The following SUMF1 variants were observed in gnomAD, a reference collection of about 807,000 sequenced individuals.
SUMF1 encodes formylglycine-generating enzyme.
Under a neutral mutation model 47.6 loss-of-function variants are expected in SUMF1, and 48 were observed. That is an observed-to-expected ratio of 1.01 (90% CI 0.80 to 1.28). SUMF1 has a LOEUF of 1.28. SUMF1 is among the 50% of genes most tolerant of loss of function. The pLI is 0.00. For synonymous variants in SUMF1, 230 were observed against 192.1 expected, an observed-to-expected ratio of 1.20 and a Z score of -1.63; for missense variants, 571 against 485.4, an observed-to-expected ratio of 1.18 and a Z score of -1.66.
intron 8 of SUMF1, among the ~76,000 whole-genome samples, chr3:4,215,948 G>T (rs1260973624): frequency 6.6e-6 from 1 of 152,092 alleles, no homozygotes; most frequent in Non-Finnish European, 1.5e-5. Flanking sequence ...TCAATACTGT[G>T]ACAATGGTCA....
intron 8 of SUMF1, among the ~76,000 whole-genome samples, chr3:4,129,448 C>G (rs2125085330): frequency 6.6e-6 from 1 of 152,182 alleles, no homozygotes; most frequent in Non-Finnish European, 1.5e-5. Context: ...CAGAAAACTT[C>G]TAGATCAAAT....
At chr3:4,234,248 T>C (rs775352564) in intron 8 of SUMF1, among the ~76,000 whole-genome samples, 9 of 151,646 alleles carry the variant, frequency 5.9e-5, no homozygotes, top group Non-Finnish European at 1.3e-4. Context: ...ATAATTTTTA[T>C]AATTAAATAT....
rs1559307292 is a variant in SUMF1 at position 4,449,282 on chromosome 3, G to T, written c.503C>A (p.Thr168Asn). 1.9e-6 allele frequency: 3 copies of T among 1,614,120 alleles called. No individual in the cohort carries two copies. The highest frequency in any genetic ancestry group is 2.2e-5 in the East Asian group (1 of 44,886). ...ATTACTTACTGCCTGTTGAATATTGGTCTTCACTTGCTCACTCAACATGCC... is the reference window on the plus strand; with the variant it reads ...ATTACTTACTGCCTGTTGAATATTGTTCTTCACTTGCTCACTCAACATGCC... ...FEGMLSEQVKTNIQQAVAAAP... is the reference protein window; with the variant it reads ...FEGMLSEQVKNNIQQAVAAAP... Residue 168 changes from threonine to asparagine, a missense_variant, in exon 3 of 9, where the codon ACC (threonine) becomes AAC (asparagine). Physicochemically the swap from Thr to Asn is moderately conservative, Grantham distance 65. Transcript: ENST00000272902.
intron 8 of SUMF1, among the ~76,000 whole-genome samples, chr3:4,140,689 T>A (rs1326983128): frequency 1.3e-5 from 2 of 152,074 alleles, no homozygotes; most frequent in Non-Finnish European, 2.9e-5. Context: ...CTACTTTATG[T>A]AGTATATTTC....
intron 9 of SUMF1, among the ~76,000 whole-genome samples, chr3:4,053,423 G>C (rs370576109): frequency 6.6e-6 from 1 of 152,110 alleles, no homozygotes; most frequent in South Asian, 2.1e-4. Context: ...CAGACACAAA[G>C]TGAGCACATG....
At chr3:4,197,366 G>C (rs1043427193) in intron 8 of SUMF1, among the ~76,000 whole-genome samples, 14 of 152,120 alleles carry the variant, frequency 9.2e-5, no homozygotes, top group Non-Finnish European at 4.4e-5. Context: ...CTCCCAAAGT[G>C]CTGGGATTAC....
intron 8 of SUMF1, among the ~76,000 whole-genome samples, chr3:4,127,747 G>C (rs1693688351): frequency 6.6e-6 from 1 of 152,066 alleles, no homozygotes; most frequent in Non-Finnish European, 1.5e-5. Context: ...ACAGACTTTG[G>C]TACCAGGAGT....
intron 9 of SUMF1, among the ~76,000 whole-genome samples, chr3:4,061,372 G>A (rs1425180666): frequency 6.6e-6 from 1 of 152,106 alleles, no homozygotes; most frequent in Non-Finnish European, 1.5e-5. Flanking sequence ...TGAAACACCA[G>A]ATCTCTCACC....
intron 8 of SUMF1, among the ~76,000 whole-genome samples, chr3:4,096,436 T>C (rs1559466891): frequency 6.6e-6 from 1 of 152,120 alleles, no homozygotes; most frequent in African/African-American, 2.4e-5. Flanking sequence ...AGGGTTACCT[T>C]CACCCAGCCA....
At chr3:4,336,546 T>C (rs1699157123) in intron 8 of SUMF1, among the ~76,000 whole-genome samples, 1 of 152,224 alleles carries the variant, frequency 6.6e-6, no homozygotes, top group African/African-American at 2.4e-5. Context: ...AACTTTCCCT[T>C]TGGCATAGTG....
chr3:4,401,595 G>A (rs1701214494), intron 7 of SUMF1, among the ~76,000 whole-genome samples: 1 of 152,108 alleles, frequency 6.6e-6, no homozygotes, highest in East Asian at 1.9e-4. Context: ...GAAGCACTAA[G>A]CCTACAAGGG....
chr3:4,286,765 G>A (rs1202587578), intron 8 of SUMF1, among the ~76,000 whole-genome samples: 3 of 152,054 alleles, frequency 2.0e-5, no homozygotes, highest in East Asian at 1.9e-4. Context: ...TAACACCATC[G>A]TAGCACAGAA....
chr3:4,257,892 T>C (rs979794411), intron 8 of SUMF1, among the ~76,000 whole-genome samples: 6 of 151,192 alleles, frequency 4.0e-5, no homozygotes, highest in Admixed American at 2.0e-4. Flanking sequence ...CAAAACAGCA[T>C]GGTACTGGTA....
At chr3:4,424,232 A>G (rs1701996645) in intron 3 of SUMF1, among the ~76,000 whole-genome samples, 1 of 151,824 alleles carries the variant, frequency 6.6e-6, no homozygotes, top group Non-Finnish European at 1.5e-5. Context: ...TCCACCCGCT[A>G]CCCCACCCTC....
intron 8 of SUMF1, among the ~76,000 whole-genome samples, chr3:4,355,230 C>T (rs1699592226): frequency 6.6e-6 from 1 of 152,124 alleles, no homozygotes; most frequent in African/African-American, 2.4e-5. Context: ...GTGGCATGTG[C>T]CTGTAGTCCC....
At chr3:4,346,945 A>G (rs1233551444) in intron 8 of SUMF1, among the ~76,000 whole-genome samples, 2 of 152,212 alleles carry the variant, frequency 1.3e-5, no homozygotes, top group Admixed American at 1.3e-4. Flanking sequence ...GAAATGGATA[A>G]ATTCCTGGAC....
intron 9 of SUMF1, among the ~76,000 whole-genome samples, chr3:4,037,948 C>A (rs1288933263): frequency 6.6e-6 from 1 of 152,096 alleles, no homozygotes; most frequent in Non-Finnish European, 1.5e-5. Context: ...GGTATTGAAG[C>A]TTTGGAGTAT....
At chr3:4,042,124 C>G (rs1361322042) in intron 9 of SUMF1, among the ~76,000 whole-genome samples, 8 of 152,096 alleles carry the variant, frequency 5.3e-5, no homozygotes, top group Non-Finnish European at 1.2e-4. Flanking sequence ...GTCATCTTCC[C>G]TATAAAATGG....
At chr3:4,178,221 T>G (rs1015718779) in intron 8 of SUMF1, among the ~76,000 whole-genome samples, 2 of 152,126 alleles carry the variant, frequency 1.3e-5, no homozygotes, top group African/African-American at 4.8e-5. Context: ...TACCAAAGCC[T>G]GGCAGAGACA....
Sources: gnomAD v4.1 joint callset for allele counts (sites outside exome capture counted in the v4.1 genomes callset) on GRCh38, gnomAD v4.1.1 for gene constraint, MANE v1.5 for transcripts, NCBI Gene and HGNC (gene_info 2026-07-23, HGNC 2026-07-21) for gene names.